The following LINGO2 variants were observed in gnomAD, a reference collection of about 807,000 sequenced individuals.
LINGO2 encodes leucine rich repeat and Ig domain containing 2.
A neutral mutation model predicts 30.6 loss-of-function variants in LINGO2; 14 were observed. The observed-to-expected ratio is 0.46, with a 90% CI of 0.30 to 0.72. The LOEUF is 0.72. Ranked by LOEUF, LINGO2 falls within the 30% of genes least tolerant of loss-of-function variation. The probability of loss-of-function intolerance (pLI) is 0.07; values close to 1 mark genes in which losing one functional copy is unlikely to be tolerated. For synonymous variants in LINGO2, 317 were observed against 288.5 expected, an observed-to-expected ratio of 1.10 and a Z score of -1.00; for missense variants, 729 against 751.7, an observed-to-expected ratio of 0.97 and a Z score of 0.35.
chr9:28,760,839 CT>C, the LINGO2 span, among the ~76,000 whole-genome samples: 2 of 151,312 alleles, frequency 1.3e-5, no homozygotes, highest in Admixed American at 6.6e-5. Flanking sequence ...TAATTCTTTC[CT>C]TTTTATGGCT....
At chr9:28,829,797 G>T in the LINGO2 span, among the ~76,000 whole-genome samples, 1 of 152,130 alleles carries the variant, frequency 6.6e-6, no homozygotes, top group Non-Finnish European at 1.5e-5. Flanking sequence ...GGCTGAGGCA[G>T]GAGAGTCGCT....
chr9:28,111,346 A>G lies in LINGO2; in HGVS notation c.-86-98941T>C, dbSNP rs569940808. ...TGGAGCAAACCACTATGACGCATGT[A>G]TACCTATGTAACAAACCTGCACATT... On this transcript the variant is annotated intron_variant, in intron 4 of 5. Coordinates refer to ENST00000379992, the Ensembl canonical transcript of LINGO2. Among the ~76,000 whole-genome samples the G allele has an allele frequency of 3.9e-5, 6 of 152,154 alleles. No individual in the cohort carries two copies. In the East Asian group the frequency reaches 1.2e-3, roughly 29 times the overall value.
chr9:29,038,397 A>G, the LINGO2 span, among the ~76,000 whole-genome samples: 2 of 152,174 alleles, frequency 1.3e-5, no homozygotes, highest in African/African-American at 2.4e-5. Context: ...AGTAACTGGC[A>G]TAGGAGTGGG....
chr9:28,244,002 C>T (rs758528989), intron 4 of LINGO2, among the ~76,000 whole-genome samples: 5 of 152,150 alleles, frequency 3.3e-5, no homozygotes, highest in Admixed American at 6.5e-5. Context: ...GAACTCTCTA[C>T]CCCAAAACAA....
the LINGO2 span, among the ~76,000 whole-genome samples, chr9:28,848,277 T>A: frequency 1.0e-5 from 1 of 95,422 alleles, no homozygotes; most frequent in Non-Finnish European, 1.9e-5. Context: ...ATATACTATA[T>A]ATACACTATG....
At chr9:29,028,675 C>G in the LINGO2 span, among the ~76,000 whole-genome samples, 24,344 of 152,034 alleles carry the variant, frequency 0.16, 2,194 homozygotes, top group South Asian at 0.2. Context: ...CGCATTCTTA[C>G]TTAGAGTTCT....
chr9:27,996,541 T>A (rs1236100276), intron 5 of LINGO2, among the ~76,000 whole-genome samples: 1 of 152,002 alleles, frequency 6.6e-6, no homozygotes, highest in Non-Finnish European at 1.5e-5. Flanking sequence ...GAAAAACAAA[T>A]CTCTCATGTG....
chr9:29,067,791 T>C, the LINGO2 span, among the ~76,000 whole-genome samples: 1 of 144,826 alleles, frequency 6.9e-6, no homozygotes, highest in Non-Finnish European at 1.5e-5. Flanking sequence ...CTAATGAGCA[T>C]ATTTTTAAGA....
intron 2 of LINGO2, among the ~76,000 whole-genome samples, chr9:28,375,960 C>T (rs992776242): frequency 6.6e-6 from 1 of 152,078 alleles, no homozygotes; most frequent in African/African-American, 2.4e-5. Flanking sequence ...CAAGGAGAAG[C>T]GTCACTCTCT....
the LINGO2 span, among the ~76,000 whole-genome samples, chr9:28,796,857 T>C: frequency 2.0e-5 from 3 of 151,658 alleles, no homozygotes; most frequent in African/African-American, 7.3e-5. Context: ...CTTGAAACAT[T>C]TTTCTTTTCC....
the LINGO2 span, among the ~76,000 whole-genome samples, chr9:28,886,822 C>G: frequency 6.6e-6 from 1 of 151,994 alleles, no homozygotes; most frequent in Non-Finnish European, 1.5e-5. Context: ...TAGGAGTTTC[C>G]ACTTAGGCAA....
chr9:29,088,249 C>T, the LINGO2 span, among the ~76,000 whole-genome samples: 1 of 152,102 alleles, frequency 6.6e-6, no homozygotes, highest in African/African-American at 2.4e-5. Context: ...CTCCATCTTC[C>T]TATGATCCAC....
rs1824075778 is a variant in LINGO2, at chr9:28,299,990, GT to G, written c.-245-4625del. ...TCACTTGATTTTTTTTGTAAATGGT[GT>G]TTCTGGTAGGTTTTATTTCATAAAG... On this transcript the variant is annotated intron_variant, in intron 3 of 5. Transcript: ENST00000379992. 4.6e-5 allele frequency among the ~76,000 whole-genome samples: 7 copies of G among 151,936 alleles called. No homozygotes were observed. In the South Asian group the frequency reaches 1.4e-3, roughly 31 times the overall value.
the LINGO2 span, among the ~76,000 whole-genome samples, chr9:29,055,356 T>C: frequency 6.6e-6 from 1 of 152,220 alleles, no homozygotes; most frequent in Non-Finnish European, 1.5e-5. Context: ...TCAAGTTTCA[T>C]CATGTTATTG....
chr9:28,977,715 G>A, the LINGO2 span, among the ~76,000 whole-genome samples: 1 of 152,088 alleles, frequency 6.6e-6, no homozygotes, highest in African/African-American at 2.4e-5. Context: ...CCCGTAGATG[G>A]ACATTACAGT....
At chr9:29,115,282 T>A in the LINGO2 span, among the ~76,000 whole-genome samples, 1 of 152,056 alleles carries the variant, frequency 6.6e-6, no homozygotes, top group East Asian at 1.9e-4. Context: ...TTTTTATGTA[T>A]TTTTTTCTAA....
At chr9:27,968,781 G>A (rs1391631082) in intron 5 of LINGO2, among the ~76,000 whole-genome samples, 1 of 151,628 alleles carries the variant, frequency 6.6e-6, no homozygotes, top group Non-Finnish European at 1.5e-5. Context: ...TATAAAGTTA[G>A]GGCAAAGATA....
chr9:28,945,254 G>T, the LINGO2 span, among the ~76,000 whole-genome samples: 172 of 152,164 alleles, frequency 1.1e-3, no homozygotes, highest in African/African-American at 4.0e-3. Context: ...CTAGAATGAG[G>T]ATTTGATAAA....
intron 1 of LINGO2, among the ~76,000 whole-genome samples, chr9:28,551,340 T>C (rs1822268385): frequency 6.6e-6 from 1 of 151,804 alleles, no homozygotes; most frequent in Admixed American, 6.6e-5. Flanking sequence ...TGTGAAATAT[T>C]TTCTACTTAT....
Sources: allele counts gnomAD v4.1 joint callset (sites outside exome capture counted in the v4.1 genomes callset), GRCh38; gene constraint gnomAD v4.1.1; transcripts MANE v1.5; gene names NCBI Gene and HGNC (gene_info 2026-07-23, HGNC 2026-07-21).